The following PDE4D variants were observed in gnomAD, a reference collection of about 807,000 sequenced individuals.
The protein encoded by PDE4D is phosphodiesterase 4D, also known as 3',5'-cyclic-AMP phosphodiesterase 4D.
A neutral mutation model predicts 87.4 loss-of-function variants in PDE4D; 24 were observed. The observed-to-expected ratio is 0.27, with a 90% CI of 0.20 to 0.39. PDE4D has a LOEUF of 0.39. PDE4D is among the 10% of genes least tolerant of loss of function. The pLI, the probability that PDE4D is intolerant of heterozygous loss-of-function variation, is 1.00. For synonymous variants in PDE4D, 384 were observed against 383.2 expected (o/e 1.00, Z -0.02); for missense variants, 714 against 1,041.0 (o/e 0.69, Z 4.32).
At chr5:59,118,805 A>G (rs974991912) in intron 5 of PDE4D, among the ~76,000 whole-genome samples, 9 of 152,190 alleles carry the variant, frequency 5.9e-5, no homozygotes, top group African/African-American at 1.9e-4. Flanking sequence ...AACCTGGTTT[A>G]TCCCCAAGAA....
chr5:60,426,701 T>C (rs1019840983), intron 1 of PDE4D, among the ~76,000 whole-genome samples: 1 of 151,978 alleles, frequency 6.6e-6, no homozygotes, highest in South Asian at 2.1e-4. Context: ...GAAAATATGA[T>C]ACATAGGCAA....
chr5:60,280,691 G>A (rs1751812560), intron 1 of PDE4D, among the ~76,000 whole-genome samples: 1 of 152,140 alleles, frequency 6.6e-6, no homozygotes, highest in Admixed American at 6.6e-5. Flanking sequence ...AAAACAGGAT[G>A]CATCATGGGC....
intron 5 of PDE4D, among the ~76,000 whole-genome samples, chr5:59,149,662 G>C (rs930552299): frequency 8.9e-5 from 12 of 134,730 alleles, no homozygotes; most frequent in Admixed American, 8.4e-4. Flanking sequence ...ATATGGGTTA[G>C]TTAAAACATT....
intron 1 of PDE4D, among the ~76,000 whole-genome samples, chr5:59,328,305 CCCT>C (rs1253929789): frequency 2.6e-5 from 4 of 152,066 alleles, no homozygotes; most frequent in African/African-American, 9.7e-5. Context: ...AATACTACAT[CCCT>C]CCTATGTTTG....
At chr5:60,150,567 T>C (rs1781419333) in intron 2 of PDE4D, among the ~76,000 whole-genome samples, 1 of 151,854 alleles carries the variant, frequency 6.6e-6, no homozygotes, top group South Asian at 2.1e-4. Flanking sequence ...TCTGATGGTG[T>C]CAGAAAAAAA....
rs950010394 is a variant in PDE4D at position 60,047,283 on chromosome 5, G to A, written c.43-58566C>T. On this transcript the variant is annotated intron_variant, in intron 2 of 16. Transcript: ENST00000502484. ...TTTTTTCTTTATTAGTCTTGCTAGC[G>A]GTTTATCAATTTTGTTGATCCTTTC... Among the ~76,000 whole-genome samples the A allele has an allele frequency of 8.0e-4, 121 of 151,960 alleles. 1 individual carries two copies. The Middle Eastern group carries it at 0.041, about 52-fold the overall frequency.
intron 1 of PDE4D, among the ~76,000 whole-genome samples, chr5:59,621,032 G>C (rs1830293286): frequency 6.6e-6 from 1 of 151,720 alleles, no homozygotes; most frequent in South Asian, 2.1e-4. Flanking sequence ...TGGCCCCCTA[G>C]AGTAGGAGTA....
At chr5:59,839,093 A>C (rs571065359) in intron 1 of PDE4D, among the ~76,000 whole-genome samples, 1 of 152,048 alleles carries the variant, frequency 6.6e-6, no homozygotes, top group Non-Finnish European at 1.5e-5. Flanking sequence ...ACAGCAGATG[A>C]AACACACTGA....
intron 5 of PDE4D, among the ~76,000 whole-genome samples, chr5:59,041,733 G>T (rs969415273): frequency 6.6e-6 from 1 of 152,136 alleles, no homozygotes; most frequent in Non-Finnish European, 1.5e-5. Context: ...TAAGTAAACT[G>T]CCCCCTTCCT....
chr5:59,349,664 T>C (rs1022958686), intron 1 of PDE4D, among the ~76,000 whole-genome samples: 2 of 152,184 alleles, frequency 1.3e-5, no homozygotes, highest in Admixed American at 6.6e-5. Flanking sequence ...GTTTTAACTA[T>C]AGTGAAAACC....
chr5:59,585,500 C>T (rs976350010), intron 1 of PDE4D, among the ~76,000 whole-genome samples: 9 of 152,176 alleles, frequency 5.9e-5, no homozygotes, highest in Non-Finnish European at 1.0e-4. Flanking sequence ...TAACATGTGC[C>T]TTTATTATGC....
chr5:59,587,445 T>C, intron 1 of PDE4D: 1 of 985,420 alleles, frequency 1.0e-6, no homozygotes, highest in African/African-American at 1.7e-5. Flanking sequence ...GCCCAAGCTA[T>C]ACAGACCTTG....
At chr5:60,229,101 C>T (rs1175090197) in intron 1 of PDE4D, among the ~76,000 whole-genome samples, 1 of 152,084 alleles carries the variant, frequency 6.6e-6, no homozygotes, top group Non-Finnish European at 1.5e-5. Flanking sequence ...TCAATATTCT[C>T]TTCTTTCTGC....
chr5:60,066,592 T>TCATC (rs1772119942), intron 2 of PDE4D, among the ~76,000 whole-genome samples: 1 of 149,580 alleles, frequency 6.7e-6, no homozygotes, highest in African/African-American at 2.5e-5. Flanking sequence ...TAAAGCAAAT[T>TCATC]ATCATCATCA....
intron 1 of PDE4D, among the ~76,000 whole-genome samples, chr5:60,224,611 C>G (rs1744873590): frequency 6.6e-6 from 1 of 152,080 alleles, no homozygotes; most frequent in Non-Finnish European, 1.5e-5. Flanking sequence ...CAGGTAGGCT[C>G]TCCAGCAGCA....
intron 1 of PDE4D, among the ~76,000 whole-genome samples, chr5:59,346,512 C>T (rs1409676117): frequency 6.6e-6 from 1 of 151,960 alleles, no homozygotes; most frequent in Non-Finnish European, 1.5e-5. Context: ...TAATTTGTTT[C>T]CCCCACCGAT....
chr5:59,405,082 C>T (rs1791383896), intron 1 of PDE4D, among the ~76,000 whole-genome samples: 2 of 95,288 alleles, frequency 2.1e-5, no homozygotes, highest in African/African-American at 5.2e-5. Flanking sequence ...TGTGGTTATA[C>T]ATGAATTTTA....
chr5:59,929,550 A>G (rs901135489), intron 3 of PDE4D, among the ~76,000 whole-genome samples: 1 of 152,124 alleles, frequency 6.6e-6, no homozygotes, highest in Non-Finnish European at 1.5e-5. Flanking sequence ...AAAGAATCCA[A>G]AAAGCTAAAC....
rs145355326 is a variant in PDE4D at position 59,284,056 on chromosome 5, C to T, written c.456-68088G>A. Among the ~76,000 whole-genome samples, 27 of 152,264 alleles carry T rather than the reference C, an allele frequency of 1.8e-4. No individual in the cohort carries two copies. The East Asian group carries it at 5.2e-3, about 29-fold the overall frequency. ...AAACATGCTGTCCAATCTGCAATCC[C>T]TTGCTCTTGATCACTTTCAGATCTT... is the stretch of plus-strand genomic sequence containing the variant. On this transcript the variant is annotated intron_variant, in intron 1 of 14. Transcript: ENST00000340635.
Sources: allele counts gnomAD v4.1 joint callset (sites outside exome capture counted in the v4.1 genomes callset), GRCh38; gene constraint gnomAD v4.1.1; transcripts MANE v1.5; gene names NCBI Gene and HGNC (gene_info 2026-07-23, HGNC 2026-07-21).